The following SYT12 variants were observed in gnomAD, a reference collection of about 807,000 sequenced individuals.
SYT12 encodes the protein synaptotagmin-12.
Under a neutral mutation model 39.5 loss-of-function variants are expected in SYT12, and 27 were observed. The observed-to-expected ratio is 0.68, with a 90% CI of 0.50 to 0.94. SYT12 has a LOEUF of 0.94. Ranked by LOEUF, SYT12 falls within the 40% of genes least tolerant of loss-of-function variation. The pLI is 0.00. For missense variants in SYT12, 536 were observed against 572.6 expected (o/e 0.94, Z 0.65); for synonymous variants, 233 against 239.7 (o/e 0.97, Z 0.26).
intron 2 of SYT12, chr11:67,032,488 T>G (rs904728674): frequency 6.6e-6 from 1 of 152,282 alleles, no homozygotes; most frequent in African/African-American, 2.4e-5. Flanking sequence ...CCAGAGGTGC[T>G]GGGTGACTTG....
At chr11:67,012,285 C>T (rs1397906015) in intron 3 of SYT12, among the ~76,000 whole-genome samples, 4 of 151,984 alleles carry the variant, frequency 2.6e-5, no homozygotes, top group Non-Finnish European at 2.9e-5. Context: ...GCAGGAGAAT[C>T]GCTTGAACCC....
At chr11:67,034,542 G>A (rs1195824664) in intron 2 of SYT12, 103 bp from the exon 3 acceptor site, 4 of 985,554 alleles carry the variant, frequency 4.1e-6, no homozygotes, top group Non-Finnish European at 5.8e-6. Flanking sequence ...CACATAGTAG[G>A]CATTCAATAA....
intron 3 of SYT12, among the ~76,000 whole-genome samples, chr11:67,012,922 G>T (rs1406899797): frequency 6.6e-6 from 1 of 152,096 alleles, no homozygotes; most frequent in Non-Finnish European, 1.5e-5. Flanking sequence ...AAATGGAGGG[G>T]ACTGTGAAGA....
chr11:67,039,876 C>T lies in SYT12; in HGVS notation c.294C>T (p.Leu98=), dbSNP rs1247079082. 6.2e-7 allele frequency: 1 copy of T among 1,613,620 alleles called. No homozygotes were observed. Among genetic ancestry groups the T allele is most frequent in the Admixed American group, 1.7e-5 (1 of 60,022 alleles). ...TRGPPSRKGS[L]SIEDTFESIS... ...GACCACCCAGCCGCAAAGGCAGTCTCAGCATTGAGGACACCTTTGAGAGCA... is the reference window on the plus strand; with the variant it reads ...GACCACCCAGCCGCAAAGGCAGTCTTAGCATTGAGGACACCTTTGAGAGCA... Residue 98 remains leucine, a synonymous_variant, in exon 4 of 8, where the codon CTC becomes CTT. Transcript: ENST00000527043.
Position 67,030,478 on chromosome 11 carries a change from C to A in SYT12, c.34+300C>A, listed in dbSNP as rs565751122. 3 of 373,402 alleles carry A rather than the reference C, an allele frequency of 8.0e-6. No individual in the cohort carries two copies. The East Asian group carries it at 1.4e-4, about 18-fold the overall frequency. The allele number at this position is 373,402 out of a possible 1,614,324, so 23.1% of individuals were successfully genotyped here. On this transcript the variant is annotated intron_variant, in intron 2 of 7. Transcript: ENST00000527043. ...CATCCTGCTGCACCCTGGGGATGAG[C>A]CTGTGACTCGGAATCCACTCACCGA... is the stretch of plus-strand genomic sequence containing the variant.
chr11:67,033,675 A>G (rs1348257924), intron 2 of SYT12, among the ~76,000 whole-genome samples: 2 of 152,124 alleles, frequency 1.3e-5, no homozygotes, highest in African/African-American at 4.8e-5. Flanking sequence ...CAGTTTCCTC[A>G]CTTGAATTGA....
chr11:67,047,762 A>C (rs1854604274), intron 7 of SYT12, among the ~76,000 whole-genome samples: 1 of 130,336 alleles, frequency 7.7e-6, no homozygotes, highest in Admixed American at 7.6e-5. Context: ...GGCCAACATG[A>C]TGAAACCCCC....
upstream of SYT12, among the ~76,000 whole-genome samples, chr11:67,020,589 T>C (rs1950098966): frequency 6.6e-6 from 1 of 152,196 alleles, no homozygotes; most frequent in African/African-American, 2.4e-5. Context: ...CATCCTCCCG[T>C]AGGCCCCTCT....
At chr11:67,040,503 A>G (rs1950491201) in intron 4 of SYT12, among the ~76,000 whole-genome samples, 1 of 152,176 alleles carries the variant, frequency 6.6e-6, no homozygotes, top group East Asian at 1.9e-4. Context: ...CCCGGCAGAA[A>G]AGGGATGACA....
At chr11:67,039,642 A>G (rs1430528820) in intron 3 of SYT12, among the ~76,000 whole-genome samples, 169 bp from the exon 4 acceptor site, 1 of 152,196 alleles carries the variant, frequency 6.6e-6, no homozygotes, top group Non-Finnish European at 1.5e-5. Context: ...AATAAGTGAC[A>G]TGAAATAATA....
At chr11:67,018,516 T>C (rs1950077067), upstream of SYT12, among the ~76,000 whole-genome samples, 1 of 151,052 alleles carries the variant, frequency 6.6e-6, no homozygotes. Flanking sequence ...CAGAGCAAGA[T>C]TCTGTCTCTT....
Position 67,040,105 on chromosome 11 carries a change from CAG to C in SYT12, c.524_525del (p.Gln175ArgfsTer43). The part of the protein sequence containing the change: ...ASHTLNVAVM[Q>X]GKDLLEREEA... ...CCACACGCTGAACGTGGCGGTGATG[CAG>C]GGCAAGGACCTCCTGGAGCGGGAGG... On this transcript the variant is annotated frameshift_variant, in exon 4 of 8. Transcript: ENST00000527043. LOFTEE classifies it high-confidence loss of function. The C allele has an allele frequency of 6.2e-7, 1 of 1,613,664 alleles. No individual in the cohort carries two copies. The highest frequency in any genetic ancestry group is 8.5e-7 in the Non-Finnish European group (1 of 1,179,872).
rs766214827 is a variant in SYT12, at chr11:67,048,726, T to C, written c.1235T>C (p.Val412Ala). 7.5e-5 allele frequency: 121 copies of C among 1,603,074 alleles called. No individual in the cohort carries two copies. Among genetic ancestry groups the C allele is most frequent in the Non-Finnish European group, 1.0e-4 (120 of 1,171,272 alleles). ...NQMLATLRRP[V>A]SMWHAVRRN ...ATGTTGGCCACGCTGCGCAGGCCCGTGTCCATGTGGCACGCTGTCCGGCGA... is the reference window on the plus strand; with the variant it reads ...ATGTTGGCCACGCTGCGCAGGCCCGCGTCCATGTGGCACGCTGTCCGGCGA... Residue 412 changes from valine to alanine, a missense_variant, in exon 8 of 8, where the codon GTG (valine) becomes GCG (alanine). Val to Ala is a moderately conservative substitution (Grantham distance 64, BLOSUM62 0). Transcript: ENST00000527043.
Position 67,044,668 on chromosome 11 carries a change from G to A in SYT12, c.913G>A (p.Val305Ile). The A allele has an allele frequency of 6.2e-7, 1 of 1,613,714 alleles. No individual in the cohort carries two copies. The highest frequency in any genetic ancestry group is 8.5e-7 in the Non-Finnish European group (1 of 1,180,004). Residue 305 changes from valine to isoleucine, a missense_variant, in exon 6 of 8, where the codon GTT becomes ATT. Physicochemically the swap from Val to Ile is conservative, Grantham distance 29. Transcript: ENST00000527043. Reference sequence around the variant, plus strand: ...AGCCGAGCGCCTCACCGTGGTCGTGGTTAAGGCCAAGAACCTCATCTGGAC... The same window carrying A: ...AGCCGAGCGCCTCACCGTGGTCGTGATTAAGGCCAAGAACCTCATCTGGAC... ...PTAERLTVVV[V>I]KAKNLIWTND...
exon 1 of SYT12, chr11:67,007,453 C>T (rs1949978697): frequency 6.6e-6 from 1 of 152,258 alleles, no homozygotes; most frequent in South Asian, 2.1e-4. Context: ...CAAACTCCTT[C>T]AGGTTTGCTA....
rs754437519 is a variant in SYT12 at position 67,043,673 on chromosome 11, G to A, written c.657G>A (p.Glu219=). 1 of 1,614,142 alleles carries A rather than the reference G, an allele frequency of 6.2e-7. No individual in the cohort carries two copies. The change falls in exon 5 of 8, where the codon GAG becomes GAA. Residue 219 remains glutamate, a synonymous_variant. Transcript: ENST00000527043. ...ATGCCTACTCCATCTTCTTTGATGA[G>A]AAGTTCTCCATCCCCCTGGATCCCA... The part of the protein sequence containing the change: ...QRNAYSIFFD[E]KFSIPLDPTA...
chr11:67,048,646 C>G lies in SYT12; in HGVS notation c.1155C>G (p.Gly385=), dbSNP rs760316350. 18 of 1,612,706 alleles carry G rather than the reference C, an allele frequency of 1.1e-5. No homozygotes were observed. In the Admixed American group the frequency reaches 2.8e-4, roughly 25 times the overall value. ...SSSDGRGDNV[G]HVIIGPSASG... is the part of the protein sequence containing the mutation. ...GCGACGGCCGTGGGGACAACGTGGGCCATGTCATCATTGGGCCGTCAGCCA... is the reference window on the plus strand; with the variant it reads ...GCGACGGCCGTGGGGACAACGTGGGGCATGTCATCATTGGGCCGTCAGCCA... The change falls in exon 8 of 8, where the codon GGC becomes GGG. Residue 385 remains glycine, a synonymous_variant. Coordinates refer to ENST00000527043, the MANE Select transcript of SYT12 (RefSeq NM_177963.4).
chr11:67,013,030 T>C (rs557990427), intron 3 of SYT12, among the ~76,000 whole-genome samples: 1 of 151,954 alleles, frequency 6.6e-6, no homozygotes, highest in African/African-American at 2.4e-5. Flanking sequence ...CAGGAGTGAG[T>C]CCCTGTCCTC....
At chr11:67,045,153 C>T (rs866521297) in intron 6 of SYT12, among the ~76,000 whole-genome samples, 2 of 152,032 alleles carry the variant, frequency 1.3e-5, no homozygotes, top group Admixed American at 6.6e-5. Flanking sequence ...AGGCAGGACC[C>T]GATGCCTTAG....
Sources: gnomAD v4.1 joint callset for allele counts (sites outside exome capture counted in the v4.1 genomes callset) on GRCh38, gnomAD v4.1.1 for gene constraint, MANE v1.5 for transcripts, NCBI Gene and HGNC (gene_info 2026-07-23, HGNC 2026-07-21) for gene names.